The following LCA5 variants were observed in gnomAD, a reference collection of about 807,000 sequenced individuals.
LCA5 encodes the protein lebercilin.
In LCA5, 37 loss-of-function variants were observed where a neutral mutation model predicts 53.0. That is an observed-to-expected ratio of 0.70 (90% CI 0.54 to 0.92). The LOEUF (loss-of-function observed/expected upper bound fraction) is 0.92. Among genes scored for constraint, LCA5 ranks in the 40% least tolerant of loss-of-function variants. LCA5 has a pLI of 0.00. For synonymous variants in LCA5, 303 were observed against 282.9 expected (o/e 1.07, Z -0.71); for missense variants, 806 against 790.5 (o/e 1.02, Z -0.23).
chr6:79,520,024 G>T (rs752966543), intron 1 of LCA5, among the ~76,000 whole-genome samples: 2 of 151,926 alleles, frequency 1.3e-5, no homozygotes, highest in African/African-American at 4.8e-5. Flanking sequence ...GATCCCTAGA[G>T]TTTTTTTGGA....
intron 1 of LCA5, among the ~76,000 whole-genome samples, chr6:79,521,328 T>C (rs963727024): frequency 6.6e-6 from 1 of 152,220 alleles, no homozygotes; most frequent in African/African-American, 2.4e-5. Context: ...TCTACATACA[T>C]GGTTGGTGGT....
chr6:79,513,739 G>A lies in LCA5; in HGVS notation c.193C>T (p.Pro65Ser). 3 of 1,613,106 alleles carry A rather than the reference G, an allele frequency of 1.9e-6. No homozygotes were observed. Among genetic ancestry groups the A allele is most frequent in the Non-Finnish European group, 1.7e-6 (2 of 1,179,488 alleles). Residue 65 changes from proline (P) to serine (S), a missense_variant and splice_region_variant, in exon 3 of 8, where the codon CCT (proline) becomes TCT (serine). Pro to Ser is a moderately conservative substitution (Grantham distance 74). Coordinates refer to ENST00000369846, the MANE Select transcript of LCA5 (RefSeq NM_001122769.3). ...AGACCCTTAGGGCTTGGTTTCCGAG[G>A]GGCTAAAAAAGAAACAGGAATAATG... ...TSDGQVHHQA[P>S]RKPSPKGLPN...
chr6:79,487,119 C>T lies in LCA5; in HGVS notation c.1979G>A (p.Ser660Asn), dbSNP rs375203094. The change falls in exon 8 of 8, where the codon AGT becomes AAT. Residue 660 changes from serine to asparagine, a missense_variant. Physicochemically the swap from Ser to Asn is conservative, Grantham distance 46. Transcript: ENST00000369846. ...EHDEDEGFFL[S>N]EGRSFNPNRH... ...ATTTGGATTAAAACTTCTTCCTTCA[C>T]TGAGGAAAAAGCCTTCATCTTCATC... The T allele has an allele frequency of 1.9e-6, 3 of 1,613,798 alleles. No homozygotes were observed. The African/African-American group carries it at 4.0e-5, about 22-fold the overall frequency.
intron 2 of LCA5, 55 bp from the exon 3 acceptor site, chr6:79,513,796 T>C (rs1201135208): frequency 1.3e-6 from 2 of 1,543,330 alleles, no homozygotes; most frequent in Admixed American, 1.7e-5. Context: ...CACAGTGTTA[T>C]TTGTTCATCC....
In LCA5 at chr6:79,513,379, T is replaced by C; in HGVS notation, c.553A>G (p.Thr185Ala). 1 of 1,614,020 alleles carries C rather than the reference T, an allele frequency of 6.2e-7. No individual in the cohort carries two copies. Among genetic ancestry groups the C allele is most frequent in the African/African-American group, 1.3e-5 (1 of 75,046 alleles). ...TCTGTATCTTTTACCCTTTTCTCAG[T>C]TGCCCGTTCTTTCTCTTGAGATTTT... ...LRKSQEKERA[T>A]EKRVKDTESE... The change falls in exon 3 of 8, where the codon ACT becomes GCT. Residue 185 changes from threonine to alanine, a missense_variant. Thr to Ala is a moderately conservative substitution (Grantham distance 58). Transcript: ENST00000369846.
intron 3 of LCA5, among the ~76,000 whole-genome samples, chr6:79,509,610 T>C (rs544640691): frequency 6.6e-6 from 1 of 152,274 alleles, no homozygotes; most frequent in South Asian, 2.1e-4. Flanking sequence ...TGGGAGTAAA[T>C]TTATAAAACC....
intron 1 of LCA5, among the ~76,000 whole-genome samples, chr6:79,535,313 T>G (rs1767080727): frequency 6.6e-6 from 1 of 152,276 alleles, no homozygotes; most frequent in Non-Finnish European, 1.5e-5. Flanking sequence ...TTATCAGATC[T>G]GACATTTGCA....
chr6:79,504,317 T>G (rs1243211144), intron 3 of LCA5, among the ~76,000 whole-genome samples: 1 of 152,226 alleles, frequency 6.6e-6, no homozygotes, highest in East Asian at 1.9e-4. Context: ...AACATATATA[T>G]TAATGTTAAA....
rs1766316565 is a variant in LCA5 at position 79,513,504 on chromosome 6, T to C, written c.428A>G (p.Gln143Arg). Residue 143 changes from glutamine (Q) to arginine (R), a missense_variant, in exon 3 of 8, where the codon CAG becomes CGG. Gln to Arg is a conservative substitution (Grantham distance 43). Coordinates refer to ENST00000369846, the MANE Select transcript of LCA5 (RefSeq NM_001122769.3). Reference sequence around the variant, plus strand: ...TTCAAACTTATTCAGGGCTTTCTCCTGTCTGTACTGAAGCCTTTTCAAAGA... The same window carrying C: ...TTCAAACTTATTCAGGGCTTTCTCCCGTCTGTACTGAAGCCTTTTCAAAGA... ...NKSLKRLQYR[Q>R]EKALNKFEDA... 1 of 1,614,004 alleles carries C rather than the reference T, an allele frequency of 6.2e-7. No individual in the cohort carries two copies. The highest frequency in any genetic ancestry group is 8.5e-7 in the Non-Finnish European group (1 of 1,179,904).
chr6:79,487,708 T>C lies in LCA5; in HGVS notation c.1390A>G (p.Arg464Gly). Residue 464 changes from arginine to glycine, a missense_variant, in exon 8 of 8, where the codon AGA becomes GGA. Transcript: ENST00000369846. ...LQGEEEERLK[R>G]EMLLAKLNEI... is the part of the protein sequence containing the mutation. ...TTCAGTTTAGCAAGTAGCATTTCTC[T>C]CTTCAGTCTTTCTTCTTCCTCTCCT... is the stretch of plus-strand genomic sequence containing the variant. 1.2e-6 allele frequency: 2 copies of C among 1,613,894 alleles called. No homozygotes were observed. Among genetic ancestry groups the C allele is most frequent in the Non-Finnish European group, 1.7e-6 (2 of 1,179,810 alleles).
chr6:79,494,141 C>T (rs577983030), intron 3 of LCA5, among the ~76,000 whole-genome samples: 6 of 151,902 alleles, frequency 3.9e-5, no homozygotes, highest in Non-Finnish European at 7.4e-5. Context: ...TGAGTAGTCC[C>T]GGCTACTCAG....
At position 79,487,584 on chromosome 6, in the gene LCA5, C is replaced by A. The variant is rs139856050; in HGVS notation, c.1514G>T (p.Ser505Ile). 2 of 1,613,860 alleles carry A rather than the reference C, an allele frequency of 1.2e-6. No individual in the cohort carries two copies. Among genetic ancestry groups the A allele is most frequent in the African/African-American group, 2.7e-5 (2 of 74,892 alleles). Reference sequence around the variant, plus strand: ...TTCAGAGAACCTGTATGTTTTGGGGCTTCTCTCTGGGGAGTGTAGTTTTGA... The same window carrying A: ...TTCAGAGAACCTGTATGTTTTGGGGATTCTCTCTGGGGAGTGTAGTTTTGA... Reference protein sequence around the residue: ...FESKLHSPERSPKTYRFSESS... With the variant: ...FESKLHSPERIPKTYRFSESS... The change falls in exon 8 of 8, where the codon AGC becomes ATC. Residue 505 changes from serine (S) to isoleucine (I), a missense_variant. Coordinates refer to ENST00000369846, the MANE Select transcript of LCA5 (RefSeq NM_001122769.3).
chr6:79,520,382 A>G (rs1167633992), intron 1 of LCA5, among the ~76,000 whole-genome samples: 1 of 152,144 alleles, frequency 6.6e-6, no homozygotes, highest in Admixed American at 6.5e-5. Context: ...TACTGAAAAT[A>G]CTATTATCCC....
upstream of LCA5, among the ~76,000 whole-genome samples, chr6:79,537,662 C>T (rs143647864): frequency 5.9e-5 from 9 of 152,316 alleles, no homozygotes; most frequent in Non-Finnish European, 7.3e-5. Context: ...GGTGCCAGGG[C>T]TCGACTGCTG....
intron 3 of LCA5, among the ~76,000 whole-genome samples, chr6:79,497,180 T>C (rs541623849): frequency 6.6e-6 from 1 of 152,166 alleles, no homozygotes; most frequent in Non-Finnish European, 1.5e-5. Context: ...TCATGATAAA[T>C]ACCGGATCAG....
At chr6:79,520,164 CTTTT>C (rs35754856) in intron 1 of LCA5, among the ~76,000 whole-genome samples, 1 of 149,888 alleles carries the variant, frequency 6.7e-6, no homozygotes, top group Non-Finnish European at 1.5e-5. Flanking sequence ...TAGTACAGTA[CTTTT>C]TTTTTAATGG....
chr6:79,538,017 A>ATTTTTTTT (rs1767206353), upstream of LCA5, among the ~76,000 whole-genome samples: 2 of 50,006 alleles, frequency 4.0e-5, no homozygotes, highest in Non-Finnish European at 7.8e-5. Flanking sequence ...TTTGCACACA[A>ATTTTTTTT]GTTTTTTTTT....
chr6:79,502,418 T>G (rs1582628636), intron 3 of LCA5, among the ~76,000 whole-genome samples: 1 of 152,218 alleles, frequency 6.6e-6, no homozygotes, highest in Admixed American at 6.5e-5. Flanking sequence ...GAAACCTGTT[T>G]TCTTTAAAGA....
At chr6:79,512,239 CTA>C (rs557850040) in intron 3 of LCA5, among the ~76,000 whole-genome samples, 43 of 152,186 alleles carry the variant, frequency 2.8e-4, no homozygotes, top group African/African-American at 1.0e-3. Flanking sequence ...TTGCTTTGCA[CTA>C]TGAGCTGATC....
Sources: gnomAD v4.1 joint callset for allele counts (sites outside exome capture counted in the v4.1 genomes callset) on GRCh38, gnomAD v4.1.1 for gene constraint, MANE v1.5 for transcripts, NCBI Gene and HGNC (gene_info 2026-07-23, HGNC 2026-07-21) for gene names.